The following UBE2E1 variants were observed in gnomAD, a reference collection of about 807,000 sequenced individuals.
The protein encoded by UBE2E1 is ubiquitin-conjugating enzyme E2 E1.
A neutral mutation model predicts 21.4 loss-of-function variants in UBE2E1; 6 were observed. The observed-to-expected ratio is 0.28, with a 90% CI of 0.15 to 0.55. The LOEUF is 0.55. Ranked by LOEUF, UBE2E1 falls within the 20% of genes least tolerant of loss-of-function variation. The probability of loss-of-function intolerance (pLI) is 0.93; values close to 1 mark genes in which losing one functional copy is unlikely to be tolerated. For missense variants in UBE2E1, 142 were observed against 236.5 expected, an observed-to-expected ratio of 0.60 and a Z score of 2.62; for synonymous variants, 87 against 82.7, an observed-to-expected ratio of 1.05 and a Z score of -0.28.
Position 23,810,448 on chromosome 3 carries a change from A to C in UBE2E1, c.153-1012A>C. On this transcript the variant is annotated intron_variant, in intron 2 of 5. Transcript: ENST00000306627. The surrounding 1 kb of genome is among the most constrained non-coding windows in gnomAD (Gnocchi z 5.8). ...GGAGAAAACTGCAGGTCTCCAGTCT[A>C]TCCCCAGTGTGAGCTAGAGAGCGGA... 1.3e-6 allele frequency: 2 copies of C among 1,535,568 alleles called. No individual in the cohort carries two copies. Among genetic ancestry groups the C allele is most frequent in the Non-Finnish European group, 1.7e-6 (2 of 1,146,532 alleles).
In UBE2E1 at chr3:23,810,759, C is replaced by G. The variant is rs1451461583; in HGVS notation, c.153-701C>G. ...GTGCGGGCACCCTGTTCCCCTCCCC[C>G]GCCCGCAACTTCACCGGCGCGGCGC... On this transcript the variant is annotated intron_variant, in intron 2 of 5. Transcript: ENST00000306627. This position sits in a 1 kb window ranked among gnomAD's most constrained non-coding sequence, Gnocchi z 5.8. 1.1e-5 allele frequency: 3 copies of G among 280,282 alleles called. No individual in the cohort carries two copies. Among genetic ancestry groups the G allele is most frequent in the East Asian group, 6.0e-5 (1 of 16,570 alleles). The allele number at this position is 280,282 out of a possible 1,614,324, so 17.4% of individuals were successfully genotyped here. A position where few individuals can be genotyped will look rare whatever the true frequency, so the allele number is the denominator to read the frequency against.
At position 23,853,897 on chromosome 3, in the gene UBE2E1, A is replaced by G. The variant is rs922413603; in HGVS notation, c.204-33670A>G. ...TTTTATAATAATTCGTTTTATCCAC[A>G]TGGTTCAAGTGGGTCTTTTTTTACC... On this transcript the variant is annotated intron_variant, in intron 3 of 5. Transcript: ENST00000306627. The surrounding 1 kb of genome is among the most constrained non-coding windows in gnomAD (Gnocchi z 4.1). 3.9e-5 allele frequency among the ~76,000 whole-genome samples: 6 copies of G among 152,094 alleles called. No individual in the cohort carries two copies. Among genetic ancestry groups the G allele is most frequent in the Admixed American group, 6.5e-5 (1 of 15,272 alleles).
rs752912233 is a variant in UBE2E1, at chr3:23,889,237, A to T, written c.462A>T (p.Ser154=). Residue 154 remains serine (S), a synonymous_variant, in exon 5 of 6, where the codon TCA becomes TCT. Coordinates refer to ENST00000306627, the MANE Select transcript of UBE2E1 (RefSeq NM_003341.5). ...CTAAAGTCCTCCTTTCTATCTGCTC[A>T]CTTCTTACAGACTGTAATCCTGGTA... ...TISKVLLSIC[S]LLTDCNPADP... The T allele has an allele frequency of 3.1e-6, 5 of 1,613,898 alleles. No homozygotes were observed. The highest frequency in any genetic ancestry group is 1.7e-5 in the Admixed American group (1 of 60,024).
intron 3 of UBE2E1, among the ~76,000 whole-genome samples, chr3:23,825,852 G>T (rs1010351330): frequency 5.3e-5 from 8 of 152,230 alleles, no homozygotes; most frequent in Admixed American, 3.9e-4. Context: ...GAGGTATTTG[G>T]AGAATACCTC....
chr3:23,827,757 A>G (rs2168424), intron 3 of UBE2E1, among the ~76,000 whole-genome samples: 11,582 of 152,250 alleles, frequency 0.076, 640 homozygotes, highest in African/African-American at 0.14. Context: ...TGGAATTGCC[A>G]TCTACCTCTA....
intron 3 of UBE2E1, among the ~76,000 whole-genome samples, chr3:23,874,907 C>G (rs1700883637): frequency 6.6e-6 from 1 of 152,160 alleles, no homozygotes; most frequent in South Asian, 2.1e-4. Context: ...GCCACCTACC[C>G]CCACGACTAC....
At chr3:23,843,783 C>T (rs772909158) in intron 3 of UBE2E1, among the ~76,000 whole-genome samples, 10 of 152,208 alleles carry the variant, frequency 6.6e-5, no homozygotes, top group Non-Finnish European at 1.5e-4. Flanking sequence ...TCTTGACTGC[C>T]TTCTGGAGTC....
chr3:23,819,156 C>T lies in UBE2E1; in HGVS notation c.203+7646C>T, dbSNP rs529785346. Among the ~76,000 whole-genome samples the T allele has an allele frequency of 1.1e-4, 16 of 152,192 alleles. 1 individual carries two copies. In the South Asian group the frequency reaches 1.7e-3, roughly 16 times the overall value. The stretch of plus-strand genomic sequence containing the variant: ...AAAATTAGCCAGGCGTGGTGGCACG[C>T]GCCTGTAGTCCCAGCTACTCAGGAG... On this transcript the variant is annotated intron_variant, in intron 3 of 5. Coordinates refer to ENST00000306627, the MANE Select transcript of UBE2E1 (RefSeq NM_003341.5).
intron 3 of UBE2E1, among the ~76,000 whole-genome samples, chr3:23,830,795 A>G (rs1404222039): frequency 6.6e-6 from 1 of 152,244 alleles, no homozygotes; most frequent in East Asian, 1.9e-4. Flanking sequence ...GCAAATCAGT[A>G]TATCGTAGAA....
At chr3:23,843,167 T>C (rs1700130607) in intron 3 of UBE2E1, among the ~76,000 whole-genome samples, 2 of 151,964 alleles carry the variant, frequency 1.3e-5, no homozygotes, top group South Asian at 4.1e-4. Context: ...CCCCCCAGAC[T>C]AAGTTTTGTT....
rs1699695354 is a variant in UBE2E1 at position 23,823,815 on chromosome 3, A to G, written c.203+12305A>G. On this transcript the variant is annotated intron_variant, in intron 3 of 5. Coordinates refer to ENST00000306627, the MANE Select transcript of UBE2E1 (RefSeq NM_003341.5). The surrounding 1 kb of genome is among the most constrained non-coding windows in gnomAD (Gnocchi z 4.2). ...GACTGGCAGTAAAGTTAGCAGCGTC[A>G]TATACTACTTGCTAGTATATCACAC... Among the ~76,000 whole-genome samples the G allele has an allele frequency of 6.6e-6, 1 of 152,360 alleles. No homozygotes were observed. Among genetic ancestry groups the G allele is most frequent in the East Asian group, 1.9e-4 (1 of 5,190 alleles).
Position 23,806,715 on chromosome 3 carries a change from G to T in UBE2E1, c.-33-522G>T, listed in dbSNP as rs1196039058. Reference sequence around the variant, plus strand: ...TCTCCCTTCCCCCACCCGGGCACCCGCTCCCCGCCTCCGTCCCCCTGTTTC... The same window carrying T: ...TCTCCCTTCCCCCACCCGGGCACCCTCTCCCCGCCTCCGTCCCCCTGTTTC... On this transcript the variant is annotated intron_variant, in intron 1 of 5. Transcript: ENST00000306627. This position sits in a 1 kb window ranked among gnomAD's most constrained non-coding sequence, Gnocchi z 6.5. 1 of 60,790 alleles carries T rather than the reference G, an allele frequency of 1.6e-5. No individual in the cohort carries two copies. Among genetic ancestry groups the T allele is most frequent in the Admixed American group, 2.2e-4 (1 of 4,592 alleles). The allele number at this position is 60,790 out of a possible 1,614,324, so 3.8% of individuals were successfully genotyped here.
In UBE2E1 at chr3:23,872,359, CG is replaced by C. The variant is rs567864788; in HGVS notation, c.204-15207del. 7.7e-5 allele frequency among the ~76,000 whole-genome samples: 11 copies of C among 142,470 alleles called. No homozygotes were observed. In the South Asian group the frequency reaches 2.1e-3, roughly 27 times the overall value. The allele number at this position is 142,470 out of a possible 152,430, so 93.5% of individuals were successfully genotyped here. On this transcript the variant is annotated intron_variant, in intron 3 of 5. Transcript: ENST00000306627. ...CTTCGGCTCGGCATCAGAGGGAGAC[CG>C]TGGAAAGAGGGGAGGGGGAGGGGGA...
chr3:23,855,555 C>T (rs1700415797), intron 3 of UBE2E1, among the ~76,000 whole-genome samples: 2 of 152,088 alleles, frequency 1.3e-5, no homozygotes, highest in South Asian at 2.1e-4. Context: ...TTAGGCCGGG[C>T]GCGGTGGCTC....
intron 3 of UBE2E1, among the ~76,000 whole-genome samples, chr3:23,855,097 C>T (rs1006972422): frequency 2.0e-5 from 3 of 151,862 alleles, no homozygotes; most frequent in African/African-American, 7.3e-5. Context: ...GTGTTTAATC[C>T]AAAAATAGAG....
chr3:23,889,292 C>A, intron 5 of UBE2E1, 33 bp downstream of exon 5: 1 of 1,612,596 alleles, frequency 6.2e-7, no homozygotes, highest in Non-Finnish European at 8.5e-7. Context: ...TTGTTTTATT[C>A]TTCCTTACCT....
chr3:23,889,272 ATTC>A lies in UBE2E1; in HGVS notation c.484+16_484+18del. 6.2e-7 allele frequency: 1 copy of A among 1,613,568 alleles called. No homozygotes were observed. The highest frequency in any genetic ancestry group is 8.5e-7 in the Non-Finnish European group (1 of 1,179,942). On this transcript the variant is annotated intron_variant, in intron 5 of 5. Coordinates refer to ENST00000306627, the MANE Select transcript of UBE2E1 (RefSeq NM_003341.5). ...GACTGTAATCCTGGTAAGGTTCATAATTCTTTACCTTGTTTTATTCTTCCTTAC... is the reference window on the plus strand; with the variant it reads ...GACTGTAATCCTGGTAAGGTTCATAATTTACCTTGTTTTATTCTTCCTTAC...
chr3:23,853,157 T>C lies in UBE2E1; in HGVS notation c.204-34410T>C, dbSNP rs1479576077. On this transcript the variant is annotated intron_variant, in intron 3 of 5. Transcript: ENST00000306627. The surrounding 1 kb of genome is among the most constrained non-coding windows in gnomAD (Gnocchi z 4.1). Reference sequence around the variant, plus strand: ...ATCTGCCCACCTTGGCCTCCCAGAGTGCTGGGATTACAGGCGTGAGCCACC... The same window carrying C: ...ATCTGCCCACCTTGGCCTCCCAGAGCGCTGGGATTACAGGCGTGAGCCACC... 6.6e-6 allele frequency among the ~76,000 whole-genome samples: 1 copy of C among 152,166 alleles called. No homozygotes were observed. The highest frequency in any genetic ancestry group is 1.5e-5 in the Non-Finnish European group (1 of 68,008).
chr3:23,845,589 C>CTGTGTGTGTGTGTGTGTGTG (rs377458829), intron 3 of UBE2E1, among the ~76,000 whole-genome samples: 47 of 121,320 alleles, frequency 3.9e-4, no homozygotes, highest in East Asian at 6.9e-4. Context: ...CTCTCTCTCT[C>CTGTGTGTGTGTGTGTGTGTG]TGTGTGTGTG....
Sources: gnomAD v4.1 joint callset for allele counts (sites outside exome capture counted in the v4.1 genomes callset) on GRCh38, gnomAD v4.1.1 for gene constraint, Gnocchi (gnomAD v3.1) non-coding constraint, MANE v1.5 for transcripts, NCBI Gene and HGNC (gene_info 2026-07-23, HGNC 2026-07-21) for gene names.